FANK1: variants seen among roughly 807,000 people sequenced by gnomAD.
The protein encoded by FANK1 is fibronectin type III and ankyrin repeat domains 1, also known as fibronectin type 3 and ankyrin repeat domains protein 1.
FANK1 carries 44 observed loss-of-function variants against 45.3 expected under a neutral mutation model. The ratio of observed to expected loss-of-function variants is 0.97; its 90% CI spans 0.76 to 1.25. The LOEUF (loss-of-function observed/expected upper bound fraction) is 1.25, where lower values mean the gene tolerates loss of function less well. Among genes scored for constraint, FANK1 ranks in the 50% most tolerant of loss-of-function variants. The probability of loss-of-function intolerance (pLI) is 0.00; values close to 1 mark genes in which losing one functional copy is unlikely to be tolerated. For synonymous variants in FANK1, 149 were observed against 152.5 expected (o/e 0.98, Z 0.17); for missense variants, 391 against 424.4 (o/e 0.92, Z 0.69).
chr10:125,995,971 T>C (rs572194599), intron 4 of FANK1, among the ~76,000 whole-genome samples: 1 of 152,384 alleles, frequency 6.6e-6, no homozygotes, highest in South Asian at 2.1e-4. Context: ...GTAGATGTTA[T>C]CTAGGTTCTT....
At chr10:125,957,074 C>T (rs1430891224) in intron 1 of FANK1, among the ~76,000 whole-genome samples, 1 of 152,182 alleles carries the variant, frequency 6.6e-6, no homozygotes, top group Non-Finnish European at 1.5e-5. Context: ...CTAGGATGGT[C>T]ACGATCTCCT....
intron 1 of FANK1, among the ~76,000 whole-genome samples, chr10:125,956,662 G>T (rs1949597040): frequency 6.6e-6 from 1 of 152,098 alleles, no homozygotes; most frequent in African/African-American, 2.4e-5. Context: ...TAGTTTAGTG[G>T]TCATAAGAGT....
chr10:125,919,751 T>C (rs1386587678), intron 1 of FANK1, among the ~76,000 whole-genome samples: 2 of 152,178 alleles, frequency 1.3e-5, no homozygotes, highest in Non-Finnish European at 2.9e-5. Context: ...GTTTTTCCAC[T>C]GAATTTGATT....
intron 1 of FANK1, among the ~76,000 whole-genome samples, chr10:125,927,672 T>C (rs190171762): frequency 0.013 from 1,967 of 152,184 alleles, 36 homozygotes; most frequent in African/African-American, 0.045. Flanking sequence ...TGCCTCGGCC[T>C]CCCAAGAAGC....
intron 6 of FANK1, among the ~76,000 whole-genome samples, chr10:125,997,698 C>T (rs1246867080): frequency 2.0e-5 from 3 of 152,204 alleles, no homozygotes; most frequent in Non-Finnish European, 4.4e-5. Context: ...AGGGGGGCAT[C>T]TGTTGTAACG....
chr10:125,961,023 T>C (rs563719887), intron 1 of FANK1, among the ~76,000 whole-genome samples: 67 of 152,352 alleles, frequency 4.4e-4, no homozygotes, highest in African/African-American at 1.6e-3. Flanking sequence ...AGCATGGTAC[T>C]GTCATAAAAA....
intron 3 of FANK1, among the ~76,000 whole-genome samples, chr10:125,991,852 A>T (rs1027108134): frequency 1.3e-5 from 2 of 152,180 alleles, no homozygotes; most frequent in African/African-American, 4.8e-5. Context: ...ATCTGCAGGT[A>T]CATCTGCAAC....
chr10:126,007,439 G>A (rs1953305555), intron 7 of FANK1, among the ~76,000 whole-genome samples: 1 of 152,212 alleles, frequency 6.6e-6, no homozygotes, highest in African/African-American at 2.4e-5. Context: ...ATATAATGGA[G>A]TGTGTTGCCC....
intron 1 of FANK1, among the ~76,000 whole-genome samples, chr10:125,926,909 G>A (rs1420820353): frequency 6.6e-6 from 1 of 152,274 alleles, no homozygotes; most frequent in Non-Finnish European, 1.5e-5. Flanking sequence ...AGGCATACAG[G>A]TAAGGAGATC....
chr10:125,929,434 TG>T (rs1947603724), intron 1 of FANK1, among the ~76,000 whole-genome samples: 1 of 152,156 alleles, frequency 6.6e-6, no homozygotes, highest in Non-Finnish European at 1.5e-5. Flanking sequence ...GCATTCCTCC[TG>T]GGGGAACTTC....
intron 1 of FANK1, among the ~76,000 whole-genome samples, chr10:125,943,287 TA>T (rs538237124): frequency 4.7e-4 from 72 of 152,340 alleles, no homozygotes; most frequent in African/African-American, 1.5e-3. Context: ...ATTGTTTTTC[TA>T]AATTGCAGTT....
rs1952344483 is a variant in FANK1, at chr10:125,996,545, C to T, written c.399-5C>T. On this transcript the variant is annotated splice_polypyrimidine_tract_variant and splice_region_variant and intron_variant, in intron 4 of 10. Coordinates refer to ENST00000368693, the MANE Select transcript of FANK1 (RefSeq NM_145235.5). ...TGTTTATCTCTTTTCTCTGCTTTTC[C>T]CAAGCCGTGTTAAGGTTGATGTTCC... 1.2e-6 allele frequency: 2 copies of T among 1,613,944 alleles called. No homozygotes were observed. The highest frequency in any genetic ancestry group is 1.7e-6 in the Non-Finnish European group (2 of 1,179,954).
chr10:125,913,536 TAA>T (rs1238928929), intron 1 of FANK1, among the ~76,000 whole-genome samples: 1 of 152,196 alleles, frequency 6.6e-6, no homozygotes, highest in African/African-American at 2.4e-5. Context: ...CTGTTTCTCT[TAA>T]AAGTTCTCTG....
chr10:125,905,089 C>A (rs1243469346), intron 1 of FANK1, among the ~76,000 whole-genome samples: 1 of 147,124 alleles, frequency 6.8e-6, no homozygotes, highest in East Asian at 2.0e-4. Context: ...TGAAACTGCG[C>A]CACTGCACTC....
chr10:125,991,184 C>T (rs919232626), intron 3 of FANK1, among the ~76,000 whole-genome samples: 5 of 151,808 alleles, frequency 3.3e-5, no homozygotes, highest in African/African-American at 9.7e-5. Flanking sequence ...GTCCTTACAG[C>T]GCCATGGCTT....
chr10:125,952,802 C>CAT (rs1352483142), intron 1 of FANK1, among the ~76,000 whole-genome samples: 1 of 314 alleles, frequency 3.2e-3, no homozygotes, highest in Non-Finnish European at 7.7e-3. Context: ...GAAATACATA[C>CAT]ACACACACAC....
At chr10:125,984,071 G>A (rs1016119806) in intron 2 of FANK1, among the ~76,000 whole-genome samples, 1 of 152,184 alleles carries the variant, frequency 6.6e-6, no homozygotes, top group East Asian at 1.9e-4. Context: ...ATGTGAGAGA[G>A]AGGATGGTCA....
At chr10:125,923,007 G>A (rs1210961350) in intron 1 of FANK1, among the ~76,000 whole-genome samples, 1 of 151,844 alleles carries the variant, frequency 6.6e-6, no homozygotes, top group Non-Finnish European at 1.5e-5. Flanking sequence ...TGGTTGGTTG[G>A]TTTCTCTTTT....
At chr10:125,949,870 A>G (rs1255160400) in intron 1 of FANK1, among the ~76,000 whole-genome samples, 4 of 146,826 alleles carry the variant, frequency 2.7e-5, no homozygotes, top group Admixed American at 2.1e-4. Context: ...AAACTATACT[A>G]CAAGGCTACA....
Sources: gnomAD v4.1 joint callset for allele counts (sites outside exome capture counted in the v4.1 genomes callset) on GRCh38, gnomAD v4.1.1 for gene constraint, MANE v1.5 for transcripts, NCBI Gene and HGNC (gene_info 2026-07-23, HGNC 2026-07-21) for gene names.